PBXIP1: variants seen among roughly 807,000 people sequenced by gnomAD.
PBXIP1 encodes pre-B-cell leukemia transcription factor-interacting protein 1.
A neutral mutation model predicts 73.7 loss-of-function variants in PBXIP1; 73 were observed. That is an observed-to-expected ratio of 0.99 (90% CI 0.82 to 1.20). PBXIP1 has a LOEUF of 1.20. PBXIP1 is among the 50% of genes most tolerant of loss of function. The pLI is 0.00. For synonymous variants in PBXIP1, 330 were observed against 366.9 expected (o/e 0.90, Z 1.15); for missense variants, 818 against 911.4 (o/e 0.90, Z 1.32).
In PBXIP1 at chr1:154,945,589, G is replaced by A. The variant is rs1654775899; in HGVS notation, c.2085C>T (p.Asp695=). ...CTGCCCACCTCTTCTTCAGTGCTTT[G>A]TCTCCAAAGAAGTGGCTGAAGATGA... The part of the protein sequence containing the change: ...EDFIFSHFFG[D]KALKKRSGKK... Residue 695 remains aspartate, a synonymous_variant, in exon 10 of 11, where the codon GAC becomes GAT. Transcript: ENST00000368463. 1 of 1,612,956 alleles carries A rather than the reference G, an allele frequency of 6.2e-7. No homozygotes were observed. The highest frequency in any genetic ancestry group is 8.5e-7 in the Non-Finnish European group (1 of 1,179,160).
rs550019434 is a variant in PBXIP1, at chr1:154,945,897, C to G, written c.1777G>C (p.Glu593Gln). The part of the protein sequence containing the change: ...RAPQGCSGVD[E>Q]CARQEGLTFF... ...GTCAGGCCCTCCTGCCGGGCACACT[C>G]GTCCACACCTGAGCAGCCCTGGGGT... The change falls in exon 10 of 11, where the codon GAG (glutamate) becomes CAG (glutamine). Residue 593 changes from glutamate to glutamine, a missense_variant. Transcript: ENST00000368463. The G allele has an allele frequency of 7.4e-6, 12 of 1,614,056 alleles. No homozygotes were observed. In the African/African-American group the frequency reaches 1.5e-4, roughly 20 times the overall value.
At position 154,945,060 on chromosome 1, in the gene PBXIP1, C is replaced by T. The variant is rs952513882; in HGVS notation, c.2160G>A (p.Gly720=). Residue 720 remains glycine (G), a synonymous_variant, in exon 11 of 11, where the codon GGG becomes GGA. Transcript: ENST00000368463. Reference sequence around the variant, plus strand: ...GGTGGTGGTGGTGGCTATGGCTGTGCCCCTCCCTGGGCCCCGCAGCTCTTG... The same window carrying T: ...GGTGGTGGTGGTGGCTATGGCTGTGTCCCTCCCTGGGCCCCGCAGCTCTTG... ...QSPRAAGPRE[G]HSHSHHHHHR... The T allele has an allele frequency of 1.9e-6, 3 of 1,613,956 alleles. No homozygotes were observed. The highest frequency in any genetic ancestry group is 2.5e-6 in the Non-Finnish European group (3 of 1,179,950).
Position 154,946,780 on chromosome 1 carries a change from G to T in PBXIP1, c.894C>A (p.Ser298Arg), listed in dbSNP as rs760141636. ...QLQAQKEELQ[S>R]LMHQPKGLEE... is the part of the protein sequence containing the mutation. ...CTAGCCCTTTGGGCTGGTGCATCAG[G>T]CTCTGAAGCTCTTCCTTTTGGGCCT... Residue 298 changes from serine to arginine, a missense_variant, in exon 10 of 11, where the codon AGC (serine) becomes AGA (arginine). Ser to Arg is a moderately radical substitution (Grantham distance 110, BLOSUM62 -1). Transcript: ENST00000368463. 8 of 1,539,784 alleles carry T rather than the reference G, an allele frequency of 5.2e-6. No individual in the cohort carries two copies. In the South Asian group the frequency reaches 8.7e-5, roughly 17 times the overall value.
chr1:154,954,856 T>C (rs1655126235), intron 1 of PBXIP1: 2 of 410,062 alleles, frequency 4.9e-6, no homozygotes, highest in South Asian at 2.1e-4. Context: ...GAGTACTGGA[T>C]TGTGATCCCT....
intron 9 of PBXIP1, chr1:154,947,210 C>A (rs755918637): frequency 4.8e-6 from 3 of 627,810 alleles, no homozygotes; most frequent in Non-Finnish European, 5.8e-6. Flanking sequence ...GTTTCATGTA[C>A]CATGTGGAAC....
chr1:154,951,730 G>C lies in PBXIP1; in HGVS notation c.178+65C>G. 6.3e-7 allele frequency: 1 copy of C among 1,584,056 alleles called. No homozygotes were observed. The highest frequency in any genetic ancestry group is 8.6e-7 in the Non-Finnish European group (1 of 1,163,904). On this transcript the variant is annotated intron_variant, in intron 3 of 10. Transcript: ENST00000368463. This position sits in a 1 kb window ranked among gnomAD's most constrained non-coding sequence, Gnocchi z 4.3. ...CAGCCTCCCTTTCTCTGAGGAAACT[G>C]AGAAACCCCAAAATATGGAGAATAG...
At position 154,945,799 on chromosome 1, in the gene PBXIP1, C is replaced by G. The variant is rs755903290; in HGVS notation, c.1875G>C (p.Arg625=). Residue 625 remains arginine, a synonymous_variant, in exon 10 of 11, where the codon CGG becomes CGC. Coordinates refer to ENST00000368463, the MANE Select transcript of PBXIP1 (RefSeq NM_020524.4). Reference sequence around the variant, plus strand: ...TGGTCAGCTGCCCAGCCCAGGGCAGCCGTGCCAAGTATGTTCTTAGCAGAG... The same window carrying G: ...TGGTCAGCTGCCCAGCCCAGGGCAGGCGTGCCAAGTATGTTCTTAGCAGAG... ...LASLLRTYLA[R]LPWAGQLTKE... The G allele has an allele frequency of 6.2e-6, 10 of 1,614,236 alleles. No homozygotes were observed. Among genetic ancestry groups the G allele is most frequent in the Non-Finnish European group, 8.5e-6 (10 of 1,180,040 alleles).
intron 1 of PBXIP1, chr1:154,954,958 T>G (rs1160735800): frequency 1.0e-6 from 1 of 984,770 alleles, no homozygotes; most frequent in African/African-American, 1.7e-5. Context: ...GTTCTACCTT[T>G]GAAACCAACC....
In PBXIP1 at chr1:154,951,374, A is replaced by G. The variant is rs1051204800; in HGVS notation, c.267T>C (p.Cys89=). 1.9e-6 allele frequency: 3 copies of G among 1,613,976 alleles called. No homozygotes were observed. In the African/African-American group the frequency reaches 4.0e-5, roughly 22 times the overall value. Residue 89 remains cysteine (C), a synonymous_variant, in exon 5 of 11, where the codon TGT becomes TGC. Coordinates refer to ENST00000368463, the MANE Select transcript of PBXIP1 (RefSeq NM_020524.4). This position sits in a 1 kb window ranked among gnomAD's most constrained non-coding sequence, Gnocchi z 4.3. ...EVKGTLEGDV[C]GVEPPGPGDT... ...CTCCTGGGCCAGGAGGCTCCACACC[A>G]CAAACATCACCTTCCAGGGTGCCCT...
Position 154,951,191 on chromosome 1 carries a change from T to G in PBXIP1, c.409+41A>C. On this transcript the variant is annotated intron_variant, in intron 5 of 10. Transcript: ENST00000368463. The surrounding 1 kb of genome is among the most constrained non-coding windows in gnomAD (Gnocchi z 4.3). ...GATGGCTGATCCCTCTCCCATACCTTCTAGAAGGAGAGTGACAGGAGAGGC... is the reference window on the plus strand; with the variant it reads ...GATGGCTGATCCCTCTCCCATACCTGCTAGAAGGAGAGTGACAGGAGAGGC... The G allele has an allele frequency of 6.3e-7, 1 of 1,590,390 alleles. No individual in the cohort carries two copies. The highest frequency in any genetic ancestry group is 8.6e-7 in the Non-Finnish European group (1 of 1,160,204).
chr1:154,952,688 G>A (rs1203176104), intron 2 of PBXIP1, among the ~76,000 whole-genome samples: 2 of 152,138 alleles, frequency 1.3e-5, no homozygotes, highest in African/African-American at 4.8e-5. Context: ...CATGACGCCC[G>A]TTTTACAGGA....
Position 154,951,728 on chromosome 1 carries a change from C to A in PBXIP1, c.178+67G>T. 6.3e-7 allele frequency: 1 copy of A among 1,580,706 alleles called. No homozygotes were observed. The highest frequency in any genetic ancestry group is 8.6e-7 in the Non-Finnish European group (1 of 1,161,010). On this transcript the variant is annotated intron_variant, in intron 3 of 10. Transcript: ENST00000368463. The surrounding 1 kb of genome is among the most constrained non-coding windows in gnomAD (Gnocchi z 4.3). Reference sequence around the variant, plus strand: ...ACCAGCCTCCCTTTCTCTGAGGAAACTGAGAAACCCCAAAATATGGAGAAT... The same window carrying A: ...ACCAGCCTCCCTTTCTCTGAGGAAAATGAGAAACCCCAAAATATGGAGAAT...
intron 5 of PBXIP1, among the ~76,000 whole-genome samples, chr1:154,948,851 G>A (rs545202828): frequency 6.6e-6 from 1 of 152,232 alleles, no homozygotes; most frequent in Non-Finnish European, 1.5e-5. Flanking sequence ...AGTCCTTAGT[G>A]TGTAACTCCT....
intron 2 of PBXIP1, among the ~76,000 whole-genome samples, chr1:154,953,111 G>A: frequency 6.6e-6 from 1 of 152,062 alleles, no homozygotes; most frequent in Admixed American, 6.5e-5. Context: ...ACTGCTGCAG[G>A]GGGTCTTTGA....
Position 154,946,241 on chromosome 1 carries a change from C to T in PBXIP1, c.1433G>A (p.Trp478Ter), listed in dbSNP as rs1236500258. The change falls in exon 10 of 11, where the codon TGG becomes TAG. Residue 478 changes from tryptophan (W) to a stop codon, truncating the protein, a stop_gained. Transcript: ENST00000368463. LOFTEE classifies it high-confidence loss of function. Reference protein sequence around the residue: ...NSREWSGKEKWWDGQRDRKAE... With the variant: ...NSREWSGKEK ...CTTCCGGTCTCTCTGCCCATCCCACCACTTTTCCTTTCCACTCCACTCCCT... is the reference window on the plus strand; with the variant it reads ...CTTCCGGTCTCTCTGCCCATCCCACTACTTTTCCTTTCCACTCCACTCCCT... 1 of 1,614,196 alleles carries T rather than the reference C, an allele frequency of 6.2e-7. No homozygotes were observed. Among genetic ancestry groups the T allele is most frequent in the Admixed American group, 1.7e-5 (1 of 60,028 alleles).
chr1:154,953,734 C>G lies in PBXIP1; in HGVS notation c.-13G>C. The G allele has an allele frequency of 1.9e-6, 3 of 1,612,612 alleles. No individual in the cohort carries two copies. The highest frequency in any genetic ancestry group is 2.5e-6 in the Non-Finnish European group (3 of 1,179,204). On this transcript the variant is annotated 5_prime_UTR_variant, in exon 2 of 11. Coordinates refer to ENST00000368463, the MANE Select transcript of PBXIP1 (RefSeq NM_020524.4). ...GGCAGGAGGCCATAGTTGCTGAGGT[C>G]CCTGAGGCTGCTGTGGCTGCCACCT... is the stretch of plus-strand genomic sequence containing the variant.
Position 154,951,724 on chromosome 1 carries a change from G to T in PBXIP1, c.178+71C>A. On this transcript the variant is annotated intron_variant, in intron 3 of 10. Transcript: ENST00000368463. The surrounding 1 kb of genome is among the most constrained non-coding windows in gnomAD (Gnocchi z 4.3). ...ACGAACCAGCCTCCCTTTCTCTGAGGAAACTGAGAAACCCCAAAATATGGA... is the reference window on the plus strand; with the variant it reads ...ACGAACCAGCCTCCCTTTCTCTGAGTAAACTGAGAAACCCCAAAATATGGA... 1.3e-6 allele frequency: 2 copies of T among 1,557,054 alleles called. No homozygotes were observed. The highest frequency in any genetic ancestry group is 1.8e-6 in the Non-Finnish European group (2 of 1,139,892).
chr1:154,952,684 G>A (rs552683278), intron 2 of PBXIP1, among the ~76,000 whole-genome samples: 22 of 152,200 alleles, frequency 1.4e-4, no homozygotes, highest in Admixed American at 1.2e-3. Context: ...AAATCATGAC[G>A]CCCGTTTTAC....
intron 9 of PBXIP1, chr1:154,947,195 T>G (rs1654854291): frequency 1.6e-6 from 1 of 618,440 alleles, no homozygotes; most frequent in Admixed American, 2.8e-5. Flanking sequence ...GGTGATACCA[T>G]GTATGTTTCA....
Sources: allele counts gnomAD v4.1 joint callset (sites outside exome capture counted in the v4.1 genomes callset), GRCh38; gene constraint gnomAD v4.1.1; non-coding constraint Gnocchi (gnomAD v3.1); transcripts MANE v1.5; gene names NCBI Gene and HGNC (gene_info 2026-07-23, HGNC 2026-07-21).